NPAS1: variants seen among roughly 807,000 people sequenced by gnomAD.
NPAS1 encodes neuronal PAS domain protein 1.
A neutral mutation model predicts 49.2 loss-of-function variants in NPAS1; 29 were observed. The ratio of observed to expected loss-of-function variants is 0.59; its 90% CI spans 0.44 to 0.80. The LOEUF (loss-of-function observed/expected upper bound fraction) is 0.80, where lower values mean the gene tolerates loss of function less well. Among genes scored for constraint, NPAS1 ranks in the 30% least tolerant of loss-of-function variants. The pLI, the probability that NPAS1 is intolerant of heterozygous loss-of-function variation, is 0.00. For missense variants in NPAS1, 825 were observed against 835.5 expected (o/e 0.99, Z 0.15); for synonymous variants, 408 against 380.4 (o/e 1.07, Z -0.84).
intron 3 of NPAS1, among the ~76,000 whole-genome samples, chr19:47,022,154 G>T (rs143779944): frequency 1.3e-5 from 2 of 152,294 alleles, no homozygotes; most frequent in African/African-American, 4.8e-5. Flanking sequence ...TACAACCAAA[G>T]AAACTCCCAG....
chr19:47,037,402 A>G (rs1211714809), intron 6 of NPAS1, among the ~76,000 whole-genome samples: 1 of 151,368 alleles, frequency 6.6e-6, no homozygotes, highest in East Asian at 1.9e-4. Flanking sequence ...CCCACAATGC[A>G]AGAAGTGTTA....
At chr19:47,025,543 G>C (rs746147156) in intron 3 of NPAS1, among the ~76,000 whole-genome samples, 4 of 152,020 alleles carry the variant, frequency 2.6e-5, no homozygotes, top group African/African-American at 4.8e-5. Context: ...CTCCCAAAGT[G>C]CTGGGATTAC....
In NPAS1 at chr19:47,036,013, A is replaced by G; in HGVS notation, c.572A>G (p.His191Arg). The G allele has an allele frequency of 1.3e-6, 2 of 1,596,002 alleles. No individual in the cohort carries two copies. Among genetic ancestry groups the G allele is most frequent in the Middle Eastern group, 1.7e-4 (1 of 5,934 alleles). Residue 191 changes from histidine to arginine, a missense_variant, in exon 6 of 12, where the codon CAC (histidine) becomes CGC (arginine). Coordinates refer to ENST00000602212, the MANE Select transcript of NPAS1 (RefSeq NM_002517.4). ...SVFDYIHPGDHSEVLEQLGLR... is the reference protein window; with the variant it reads ...SVFDYIHPGDRSEVLEQLGLR... ...TTCGACTACATTCACCCTGGGGACC[A>G]CTCAGAGGTGCTGGAGCAACTGGGG...
In NPAS1 at chr19:47,024,178, T is replaced by C. The variant is rs535843591; in HGVS notation, c.358+2331T>C. Among the ~76,000 whole-genome samples the C allele has an allele frequency of 5.3e-5, 8 of 152,130 alleles. No homozygotes were observed. In the South Asian group the frequency reaches 1.7e-3, roughly 32 times the overall value. On this transcript the variant is annotated intron_variant, in intron 3 of 11. Transcript: ENST00000602212. ...GGCACCCGCCTGTAGTCCCTGATAC[T>C]GAACAGGATGAGGTGGGAGGACTGC... is the stretch of plus-strand genomic sequence containing the variant.
At chr19:47,044,114 C>T (rs958565468) in intron 11 of NPAS1, among the ~76,000 whole-genome samples, 1 of 152,158 alleles carries the variant, frequency 6.6e-6, no homozygotes, top group Non-Finnish European at 1.5e-5. Flanking sequence ...ACTCTTCTTG[C>T]CCAGGTTGGA....
intron 10 of NPAS1, 72 bp from the exon 11 acceptor site, chr19:47,042,738 T>G (rs1448960088): frequency 2.3e-6 from 3 of 1,292,960 alleles, no homozygotes; most frequent in African/African-American, 3.0e-5. Context: ...TTGCCACAAG[T>G]TGGGTAAAGC....
In NPAS1 at chr19:47,045,238, G is replaced by C. The variant is rs771009980; in HGVS notation, c.1360G>C (p.Glu454Gln). 1.2e-6 allele frequency: 2 copies of C among 1,613,906 alleles called. No homozygotes were observed. The highest frequency in any genetic ancestry group is 1.3e-5 in the African/African-American group (1 of 75,034). Residue 454 changes from glutamate to glutamine, a missense_variant, in exon 12 of 12, where the codon GAG becomes CAG. By Grantham distance (29) the Glu-to-Gln change is conservative. Transcript: ENST00000602212. ...GAAGCAGGCTGCCCCAGCGGAGAACGAGGCCCCCCAGACCCAGGGCAAACG... is the reference window on the plus strand; with the variant it reads ...GAAGCAGGCTGCCCCAGCGGAGAACCAGGCCCCCCAGACCCAGGGCAAACG... The part of the protein sequence containing the change: ...EGKQAAPAEN[E>Q]APQTQGKRIK...
intron 3 of NPAS1, among the ~76,000 whole-genome samples, chr19:47,027,183 C>T (rs1018171217): frequency 2.0e-5 from 3 of 152,202 alleles, no homozygotes; most frequent in African/African-American, 4.8e-5. Context: ...CCCCTCTCCC[C>T]GACTTCCCTG....
chr19:47,021,090 A>C lies in NPAS1; in HGVS notation c.43A>C (p.Lys15Gln). 1 of 1,604,188 alleles carries C rather than the reference A, an allele frequency of 6.2e-7. No individual in the cohort carries two copies. The highest frequency in any genetic ancestry group is 8.5e-7 in the Non-Finnish European group (1 of 1,176,218). The change falls in exon 2 of 12, where the codon AAA becomes CAA. Residue 15 changes from lysine (K) to glutamine (Q), a missense_variant. By Grantham distance (53) the Lys-to-Gln change is moderately conservative. Coordinates refer to ENST00000602212, the MANE Select transcript of NPAS1 (RefSeq NM_002517.4). The surrounding 1 kb of genome is among the most constrained non-coding windows in gnomAD (Gnocchi z 5.7). ...YPGSGGGSEVKCVGGRGASVP... is the reference protein window; with the variant it reads ...YPGSGGGSEVQCVGGRGASVP... ...CGGCAGTGGCGGCGGAAGCGAGGTC[A>C]AATGCGTGGGAGGCCGCGGCGCCAG...
chr19:47,039,601 G>A (rs1229580139), intron 8 of NPAS1, 37 bp downstream of exon 8: 3 of 1,528,410 alleles, frequency 2.0e-6, no homozygotes, highest in East Asian at 2.3e-5. Context: ...TGGATTGGGG[G>A]CACAATGGAG....
chr19:47,036,248 G>A, intron 6 of NPAS1, 119 bp downstream of exon 6: 1 of 1,086,554 alleles, frequency 9.2e-7, no homozygotes, highest in Non-Finnish European at 1.3e-6. Context: ...TGTGTAGAAC[G>A]AATCTTTGCA....
chr19:47,043,916 C>T (rs1163026534), intron 11 of NPAS1, among the ~76,000 whole-genome samples: 1 of 151,704 alleles, frequency 6.6e-6, no homozygotes, highest in Non-Finnish European at 1.5e-5. Flanking sequence ...AATTTTAAAA[C>T]TTAGCCAGGT....
intron 3 of NPAS1, among the ~76,000 whole-genome samples, chr19:47,022,330 T>G (rs555598827): frequency 6.2e-4 from 95 of 152,078 alleles, no homozygotes; most frequent in Non-Finnish European, 1.3e-3. Context: ...ATGTGGCGGA[T>G]GAGATGGGGA....
Position 47,036,086 on chromosome 19 carries a change from T to TTCCTCC in NPAS1, c.651_656dup (p.Ser221_Ser222dup). The TTCCTCC allele has an allele frequency of 1.3e-6, 2 of 1,585,942 alleles. No homozygotes were observed. The highest frequency in any genetic ancestry group is 1.7e-6 in the Non-Finnish European group (2 of 1,166,312). On this transcript the variant is annotated inframe_insertion, in exon 6 of 12. Transcript: ENST00000602212. ...CCCCAACCCCGCCCTCCGTCTCCTC[T>TTCCTCC]TCCTCCTCCTCTTCCTCTTCGCTTG...
rs1023794403 is a variant in NPAS1 at position 47,039,580 on chromosome 19, G to A, written c.962+16G>A. ...GTGAGAGCAGGTACCGGGGTTGGGG[G>A]CTGTGGCGGGTGGATTGGGGGCACA... On this transcript the variant is annotated intron_variant, in intron 8 of 11. Transcript: ENST00000602212. 4 of 1,542,612 alleles carry A rather than the reference G, an allele frequency of 2.6e-6. No individual in the cohort carries two copies. Among genetic ancestry groups the A allele is most frequent in the Non-Finnish European group, 3.5e-6 (4 of 1,141,946 alleles).
chr19:47,024,653 G>A (rs989396016), intron 3 of NPAS1, among the ~76,000 whole-genome samples: 7 of 152,106 alleles, frequency 4.6e-5, no homozygotes, highest in East Asian at 1.9e-4. Flanking sequence ...ACCATCATAT[G>A]TGGTCTGTAG....
In NPAS1 at chr19:47,021,205, C is replaced by T; in HGVS notation, c.122+36C>T. 3.4e-6 allele frequency: 5 copies of T among 1,483,916 alleles called. No homozygotes were observed. Among genetic ancestry groups the T allele is most frequent in the South Asian group, 1.3e-5 (1 of 74,478 alleles). The allele number at this position is 1,483,916 out of a possible 1,614,324, so 91.9% of individuals were successfully genotyped here. A position where few individuals can be genotyped will look rare whatever the true frequency, so the allele number is the denominator to read the frequency against. Reference sequence around the variant, plus strand: ...CCCCGCCCCCCTGGCCGCGGGCCCCCCCCCGGGTCCAATTCACACCCGATG... The same window carrying T: ...CCCCGCCCCCCTGGCCGCGGGCCCCTCCCCGGGTCCAATTCACACCCGATG... On this transcript the variant is annotated intron_variant, in intron 2 of 11. Transcript: ENST00000602212. The surrounding 1 kb of genome is among the most constrained non-coding windows in gnomAD (Gnocchi z 5.7).
At position 47,025,202 on chromosome 19, in the gene NPAS1, G is replaced by A. The variant is rs1210511344; in HGVS notation, c.358+3355G>A. On this transcript the variant is annotated intron_variant, in intron 3 of 11. Coordinates refer to ENST00000602212, the MANE Select transcript of NPAS1 (RefSeq NM_002517.4). ...AACAGCCTCTTGGTTGCTGAGCCTG[G>A]AGTAGCATCTGGGACACAATGAAGG... Among the ~76,000 whole-genome samples, 2 of 136,030 alleles carry A rather than the reference G, an allele frequency of 1.5e-5. 1 individual carries two copies. Among genetic ancestry groups the A allele is most frequent in the East Asian group, 5.1e-4 (2 of 3,958 alleles). 89.2% of individuals were successfully genotyped at this position (136,030 alleles called of 152,430 possible).
chr19:47,038,449 G>T (rs1015922335), intron 6 of NPAS1, among the ~76,000 whole-genome samples: 1 of 120,274 alleles, frequency 8.3e-6, no homozygotes, highest in Non-Finnish European at 1.9e-5. Context: ...CTGGGGAGAC[G>T]GAGGTCGCAG....
Sources: allele counts gnomAD v4.1 joint callset (sites outside exome capture counted in the v4.1 genomes callset), GRCh38; gene constraint gnomAD v4.1.1; non-coding constraint Gnocchi (gnomAD v3.1); transcripts MANE v1.5; gene names NCBI Gene and HGNC (gene_info 2026-07-23, HGNC 2026-07-21).